The following KSR2 variants were observed in gnomAD, a reference collection of about 807,000 sequenced individuals.
KSR2 encodes kinase suppressor of ras 2.
Under a neutral mutation model 107.8 loss-of-function variants are expected in KSR2, and 25 were observed. The observed-to-expected ratio is 0.23, with a 90% CI of 0.17 to 0.32. KSR2 has a LOEUF of 0.32. KSR2 is among the 10% of genes least tolerant of loss of function. The probability of loss-of-function intolerance (pLI) is 1.00; values close to 1 mark genes in which losing one functional copy is unlikely to be tolerated. For missense variants in KSR2, 887 were observed against 1,268.9 expected (o/e 0.70, Z 4.57); for synonymous variants, 480 against 507.0 (o/e 0.95, Z 0.71).
rs770200047 is a variant in KSR2, at chr12:117,968,062, T to C, written c.180+14A>G. The C allele has an allele frequency of 1.2e-6, 1 of 803,680 alleles. No homozygotes were observed. Among genetic ancestry groups the C allele is most frequent in the Non-Finnish European group, 1.9e-6 (1 of 516,632 alleles). 49.8% of individuals were successfully genotyped at this position (803,680 alleles called of 1,614,324 possible). ...TTTTTTTTTTTTTTTTTTTTTCCCG[T>C]AGGCAACACCTACCTCCAGGGTCCG... is the stretch of plus-strand genomic sequence containing the variant. On this transcript the variant is annotated intron_variant, in intron 1 of 19. Coordinates refer to ENST00000339824, the MANE Select transcript of KSR2 (RefSeq NM_173598.6).
intron 4 of KSR2, among the ~76,000 whole-genome samples, chr12:117,740,387 CAT>C: frequency 7.8e-6 from 1 of 128,826 alleles, no homozygotes; most frequent in Non-Finnish European, 1.6e-5. Flanking sequence ...TTATATATAC[CAT>C]ATATAATATA....
At chr12:117,873,608 G>A (rs1255716300) in intron 1 of KSR2, among the ~76,000 whole-genome samples, 1 of 151,792 alleles carries the variant, frequency 6.6e-6, no homozygotes, top group Non-Finnish European at 1.5e-5. Flanking sequence ...TTACAGGTGC[G>A]TGCCACCACA....
At chr12:117,608,780 T>G (rs2136311217) in intron 5 of KSR2, among the ~76,000 whole-genome samples, 1 of 152,270 alleles carries the variant, frequency 6.6e-6, no homozygotes, top group East Asian at 1.9e-4. Context: ...AAAGCCAAAG[T>G]ACCTTGGGCC....
At chr12:117,929,071 G>C (rs714324) in intron 1 of KSR2, among the ~76,000 whole-genome samples, 27,543 of 152,188 alleles carry the variant, frequency 0.18, 2,744 homozygotes, top group East Asian at 0.3. Flanking sequence ...TCACCAAGTA[G>C]TTGTATGACT....
intron 4 of KSR2, among the ~76,000 whole-genome samples, chr12:117,684,910 C>A (rs1479027828): frequency 2.0e-5 from 3 of 152,148 alleles, no homozygotes; most frequent in Non-Finnish European, 4.4e-5. Context: ...AAGAGTTGAT[C>A]GCATGTGTTC....
chr12:117,731,518 C>A (rs1887706092), intron 4 of KSR2, among the ~76,000 whole-genome samples: 1 of 152,206 alleles, frequency 6.6e-6, no homozygotes, highest in South Asian at 2.1e-4. Flanking sequence ...GTCCGGCCGC[C>A]ACCCCGTCTG....
chr12:117,897,770 G>C lies in KSR2; in HGVS notation c.181-37339C>G, dbSNP rs144569931. 3.9e-4 allele frequency among the ~76,000 whole-genome samples: 59 copies of C among 152,128 alleles called. No homozygotes were observed. The East Asian group carries it at 0.011, about 29-fold the overall frequency. On this transcript the variant is annotated intron_variant, in intron 1 of 19. Coordinates refer to ENST00000339824, the MANE Select transcript of KSR2 (RefSeq NM_173598.6). This position sits in a 1 kb window ranked among gnomAD's most constrained non-coding sequence, Gnocchi z 4.5. ...ACCTGAATGCAGCAGAAACCACCAA[G>C]CAGATGCCATACAAATATAATGGGC...
intron 14 of KSR2, among the ~76,000 whole-genome samples, chr12:117,504,758 C>A (rs1007671990): frequency 6.6e-6 from 1 of 152,142 alleles, no homozygotes; most frequent in Non-Finnish European, 1.5e-5. Flanking sequence ...TTAAAAAAAT[C>A]TTTGTTAAAA....
At chr12:117,549,865 G>C (rs1471747157) in intron 9 of KSR2, among the ~76,000 whole-genome samples, 1 of 152,096 alleles carries the variant, frequency 6.6e-6, no homozygotes, top group East Asian at 1.9e-4. Flanking sequence ...TGTCTTTATG[G>C]TGGAAGGACT....
At chr12:117,831,275 T>C (rs1891953709) in intron 3 of KSR2, among the ~76,000 whole-genome samples, 1 of 152,232 alleles carries the variant, frequency 6.6e-6, no homozygotes, top group African/African-American at 2.4e-5. Context: ...TCCAACAGCT[T>C]TGAGCAATTT....
At chr12:117,539,984 C>T in intron 9 of KSR2, 97 bp from the exon 10 acceptor site, 1 of 1,022,968 alleles carries the variant, frequency 9.8e-7, no homozygotes, top group Non-Finnish European at 1.4e-6. Flanking sequence ...CACCCCAGCC[C>T]CTGCAACAAT....
chr12:117,493,308 A>C (rs1872844778), intron 14 of KSR2, among the ~76,000 whole-genome samples: 1 of 152,134 alleles, frequency 6.6e-6, no homozygotes, highest in South Asian at 2.1e-4. Flanking sequence ...TGCACAATTG[A>C]TCAGGTCACT....
At chr12:117,645,868 C>CGTGTGT (rs58896782) in intron 5 of KSR2, among the ~76,000 whole-genome samples, 143 of 142,152 alleles carry the variant, frequency 1.0e-3, no homozygotes, top group African/African-American at 2.8e-3. Flanking sequence ...TGTGTATGTG[C>CGTGTGT]GTGTGTGTGT....
rs768799651 is a variant in KSR2, at chr12:117,530,983, C to T, written c.1760G>A (p.Arg587Gln). ...CGGATGCAGGATGACCTGGGGCGCC[C>T]GGGTCGGCGTCTCCGGCACCGGCAC... ...DVVPVPETPT[R>Q]APQVILHPVT... The change falls in exon 12 of 20, where the codon CGG becomes CAG. Residue 587 changes from arginine (R) to glutamine (Q), a missense_variant. Coordinates refer to ENST00000339824, the MANE Select transcript of KSR2 (RefSeq NM_173598.6). The T allele has an allele frequency of 8.7e-6, 14 of 1,613,566 alleles. 1 individual carries two copies. Among genetic ancestry groups the T allele is most frequent in the South Asian group, 7.7e-5 (7 of 90,974 alleles).
chr12:117,531,064 C>T, intron 11 of KSR2, 51 bp from the exon 12 acceptor site: 1 of 1,446,946 alleles, frequency 6.9e-7, no homozygotes, highest in Non-Finnish European at 9.7e-7. Flanking sequence ...GTCCACAACC[C>T]CCGCAAAGGC....
At chr12:117,695,826 G>A (rs79742577) in intron 4 of KSR2, among the ~76,000 whole-genome samples, 4,913 of 152,146 alleles carry the variant, frequency 0.032, 242 homozygotes, top group African/African-American at 0.11. Context: ...GAGTCCTGTG[G>A]GGAAGAGAGA....
chr12:117,904,650 G>GA (rs761477257), intron 1 of KSR2, among the ~76,000 whole-genome samples: 2 of 152,166 alleles, frequency 1.3e-5, no homozygotes, highest in East Asian at 1.9e-4. Flanking sequence ...CCCTGGGAGA[G>GA]AAAAAATATT....
At chr12:117,685,647 C>T (rs1177430700) in intron 4 of KSR2, among the ~76,000 whole-genome samples, 1 of 152,172 alleles carries the variant, frequency 6.6e-6, no homozygotes, top group Non-Finnish European at 1.5e-5. Context: ...CAAACATTCC[C>T]GAAATCAGAG....
At chr12:117,900,223 C>T (rs894635855) in intron 1 of KSR2, among the ~76,000 whole-genome samples, 2 of 152,204 alleles carry the variant, frequency 1.3e-5, no homozygotes, top group African/African-American at 4.8e-5. Flanking sequence ...TATCCAGAGA[C>T]TCATTGACTG....
Sources: gnomAD v4.1 joint callset for allele counts (sites outside exome capture counted in the v4.1 genomes callset) on GRCh38, gnomAD v4.1.1 for gene constraint, Gnocchi (gnomAD v3.1) non-coding constraint, MANE v1.5 for transcripts, NCBI Gene and HGNC (gene_info 2026-07-23, HGNC 2026-07-21) for gene names.